Variants in NEK10 observed in about 807,000 individuals in gnomAD.
NEK10 encodes serine/threonine-protein kinase Nek10.
In NEK10, 122 loss-of-function variants were observed where a neutral mutation model predicts 159.8. The ratio of observed to expected loss-of-function variants is 0.76; its 90% CI spans 0.66 to 0.89. The LOEUF is 0.89. NEK10 is among the 40% of genes least tolerant of loss of function. The pLI is 0.00. For missense variants in NEK10, 1,342 were observed against 1,323.1 expected (o/e 1.01, Z -0.22); for synonymous variants, 466 against 457.1 (o/e 1.02, Z -0.25).
At chr3:27,178,807 A>T (rs1947778505) in intron 26 of NEK10, among the ~76,000 whole-genome samples, 1 of 152,232 alleles carries the variant, frequency 6.6e-6, no homozygotes, top group Non-Finnish European at 1.5e-5. Context: ...CCTTTTCTCC[A>T]GGCCTCCCTA....
chr3:27,133,296 C>T (rs1240400623), intron 31 of NEK10, among the ~76,000 whole-genome samples: 1 of 152,126 alleles, frequency 6.6e-6, no homozygotes, highest in Non-Finnish European at 1.5e-5. Context: ...TTTTGTCAGA[C>T]AGGAGGACAT....
intron 13 of NEK10, among the ~76,000 whole-genome samples, chr3:27,298,817 C>T (rs535477357): frequency 6.6e-6 from 1 of 152,194 alleles, no homozygotes; most frequent in South Asian, 2.1e-4. Context: ...TGGCATTTTG[C>T]CCCTGCCCTA....
At chr3:27,256,912 C>CTT (rs550014186) in intron 22 of NEK10, among the ~76,000 whole-genome samples, 1,428 of 124,948 alleles carry the variant, frequency 0.011, 8 homozygotes, top group African/African-American at 0.02. Flanking sequence ...TTTTTTCTCT[C>CTT]TTTTTTTTTT....
In NEK10 at chr3:27,222,933, G is replaced by GT. The variant is rs553128249; in HGVS notation, c.2091-20377dup. 3.8e-4 allele frequency among the ~76,000 whole-genome samples: 58 copies of GT among 150,954 alleles called. No individual in the cohort carries two copies. The South Asian group carries it at 9.7e-3, about 25-fold the overall frequency. On this transcript the variant is annotated intron_variant, in intron 23 of 35. Coordinates refer to ENST00000691995, the MANE Select transcript of NEK10 (RefSeq NM_001394966.1). ...CATCTTTAATAATTATTCCTATTAAGTTTTTTTTTGGCAACATGACCTTAA... is the reference window on the plus strand; with the variant it reads ...CATCTTTAATAATTATTCCTATTAAGTTTTTTTTTTGGCAACATGACCTTAA...
rs1355413213 is a variant in NEK10, at chr3:27,109,311, G to A, written c.*1961C>T. 3.3e-5 allele frequency among the ~76,000 whole-genome samples: 5 copies of A among 151,366 alleles called. No individual in the cohort carries two copies. The highest frequency in any genetic ancestry group is 2.1e-4 in the South Asian group (1 of 4,782). ...GGAGAATTGCTTGAACCTGGGTGGC[G>A]GAGGTTGCAGTAAGTTAAGATCTCG... On this transcript the variant is annotated 3_prime_UTR_variant, in exon 36 of 36. Transcript: ENST00000691995.
intron 26 of NEK10, among the ~76,000 whole-genome samples, chr3:27,187,760 C>CAAAA (rs34803938): frequency 7.7e-6 from 1 of 129,168 alleles, no homozygotes; most frequent in African/African-American, 2.6e-5. Context: ...GACTCCATCT[C>CAAAA]AAAAAAAAAA....
intron 23 of NEK10, among the ~76,000 whole-genome samples, chr3:27,217,088 G>A (rs996679856): frequency 6.6e-6 from 1 of 152,102 alleles, no homozygotes; most frequent in African/African-American, 2.4e-5. Flanking sequence ...TAGAAAATAA[G>A]GACAATGAAA....
chr3:27,297,200 G>A lies in NEK10; in HGVS notation c.1209C>T (p.Thr403=), dbSNP rs2043421708. The part of the protein sequence containing the change: ...AALTELVLND[T]NAHQVVQENG... The stretch of plus-strand genomic sequence containing the variant: ...TCACCTGAACCACCTGGTGGGCATT[G>A]GTGTCATTGAGCACCAGCTCAGTGA... The change falls in exon 14 of 36, where the codon ACC becomes ACT. Residue 403 remains threonine, a synonymous_variant. Coordinates refer to ENST00000691995, the MANE Select transcript of NEK10 (RefSeq NM_001394966.1). The A allele has an allele frequency of 6.2e-7, 1 of 1,612,942 alleles. No homozygotes were observed. Among genetic ancestry groups the A allele is most frequent in the African/African-American group, 1.3e-5 (1 of 75,020 alleles).
intron 23 of NEK10, among the ~76,000 whole-genome samples, chr3:27,253,281 A>G (rs1336932202): frequency 6.6e-6 from 1 of 152,180 alleles, no homozygotes; most frequent in East Asian, 1.9e-4. Context: ...AATCCCATAT[A>G]TGTTCTGTGA....
At chr3:27,140,221 T>G (rs1463786154) in intron 31 of NEK10, among the ~76,000 whole-genome samples, 3 of 152,180 alleles carry the variant, frequency 2.0e-5, no homozygotes, top group Admixed American at 2.0e-4. Flanking sequence ...AAACCTGCCC[T>G]AAGTTGCCAT....
chr3:27,143,433 G>A (rs1352013966), intron 30 of NEK10: 2 of 759,892 alleles, frequency 2.6e-6, no homozygotes, highest in Non-Finnish European at 4.8e-6. Context: ...TATCACATAG[G>A]TTTGACTCTA....
chr3:27,281,870 T>C (rs2042185095), intron 22 of NEK10, among the ~76,000 whole-genome samples: 1 of 152,210 alleles, frequency 6.6e-6, no homozygotes, highest in Non-Finnish European at 1.5e-5. Context: ...CTTATCATGT[T>C]TGACCATGTG....
At chr3:27,204,250 A>G (rs539634330) in intron 23 of NEK10, among the ~76,000 whole-genome samples, 2 of 61,842 alleles carry the variant, frequency 3.2e-5, no homozygotes, top group African/African-American at 6.4e-5. Flanking sequence ...ACAGCTTTCC[A>G]TTTTCTCCTC....
intron 30 of NEK10, among the ~76,000 whole-genome samples, chr3:27,159,124 T>C (rs994469177): frequency 6.6e-6 from 1 of 152,200 alleles, no homozygotes; most frequent in African/African-American, 2.4e-5. Flanking sequence ...GTAGGAAACG[T>C]ATTCCTTTTA....
At chr3:27,117,270 T>G (rs1340210516) in intron 33 of NEK10, among the ~76,000 whole-genome samples, 1 of 152,222 alleles carries the variant, frequency 6.6e-6, no homozygotes, top group Admixed American at 6.5e-5. Flanking sequence ...CTATTGTGAA[T>G]AGTATAGCAA....
At chr3:27,167,101 G>T (rs73036939) in intron 29 of NEK10, among the ~76,000 whole-genome samples, 1 of 151,908 alleles carries the variant, frequency 6.6e-6, no homozygotes, top group African/African-American at 2.4e-5. Flanking sequence ...ACTATACCCT[G>T]TTGCCTTGGT....
At chr3:27,235,295 C>G (rs1359069731) in intron 23 of NEK10, among the ~76,000 whole-genome samples, 1 of 152,104 alleles carries the variant, frequency 6.6e-6, no homozygotes, top group South Asian at 2.1e-4. Flanking sequence ...AGCTTCTGTA[C>G]AGCAAAAGAA....
rs1939026937 is a variant in NEK10, at chr3:27,106,828, T to A, written c.*4444A>T. ...TTGTCAAAATGACAGTCAGCCATAA[T>A]CCTCCATACATAAAGACAAAATTCT... is the stretch of plus-strand genomic sequence containing the variant. On this transcript the variant is annotated 3_prime_UTR_variant, in exon 36 of 36. Coordinates refer to ENST00000691995, the MANE Select transcript of NEK10 (RefSeq NM_001394966.1). Among the ~76,000 whole-genome samples the A allele has an allele frequency of 1.3e-5, 2 of 152,164 alleles. No homozygotes were observed. The highest frequency in any genetic ancestry group is 2.9e-5 in the Non-Finnish European group (2 of 68,018).
intron 23 of NEK10, among the ~76,000 whole-genome samples, chr3:27,205,903 C>CCTGTT (rs543482365): frequency 2.0e-5 from 3 of 150,178 alleles, no homozygotes; most frequent in Non-Finnish European, 4.4e-5. Context: ...AAAGAAACTA[C>CCTGTT]CATCAGAGTG....
Sources: allele counts gnomAD v4.1 joint callset (sites outside exome capture counted in the v4.1 genomes callset), GRCh38; gene constraint gnomAD v4.1.1; transcripts MANE v1.5; gene names NCBI Gene and HGNC (gene_info 2026-07-23, HGNC 2026-07-21).